Variants in TIAM2 observed in about 807,000 individuals in gnomAD.
The protein encoded by TIAM2 is rho guanine nucleotide exchange factor TIAM2.
In TIAM2, 80 loss-of-function variants were observed where a neutral mutation model predicts 152.9. The ratio of observed to expected loss-of-function variants is 0.52; its 90% CI spans 0.44 to 0.63. The LOEUF (loss-of-function observed/expected upper bound fraction) is 0.63, where lower values mean the gene tolerates loss of function less well. Among genes scored for constraint, TIAM2 ranks in the 30% least tolerant of loss-of-function variants. TIAM2 has a pLI of 0.00. For missense variants in TIAM2, 1,965 were observed against 2,120.1 expected (o/e 0.93, Z 1.44); for synonymous variants, 804 against 838.0 (o/e 0.96, Z 0.70).
At chr6:155,062,581 C>CTTTTTTT (rs151244455) in intron 1 of TIAM2, among the ~76,000 whole-genome samples, 2 of 143,266 alleles carry the variant, frequency 1.4e-5, no homozygotes, top group Non-Finnish European at 1.5e-5. Flanking sequence ...TTTTCTTTTT[C>CTTTTTTT]TTTTCTTTTT....
At chr6:155,231,499 T>G (rs1390580743) in intron 15 of TIAM2, among the ~76,000 whole-genome samples, 1 of 152,250 alleles carries the variant, frequency 6.6e-6, no homozygotes, top group African/African-American at 2.4e-5. Flanking sequence ...ATCTTGAACC[T>G]GTTTTTTAAC....
intron 9 of TIAM2, among the ~76,000 whole-genome samples, chr6:155,175,561 A>G (rs905601774): frequency 6.6e-6 from 1 of 152,236 alleles, no homozygotes; most frequent in Non-Finnish European, 1.5e-5. Flanking sequence ...TATGAATTAT[A>G]TTAATAATAT....
At chr6:155,017,404 CCTGAGAG>C (rs1379587009) in intron 1 of TIAM2, among the ~76,000 whole-genome samples, 3 of 151,776 alleles carry the variant, frequency 2.0e-5, no homozygotes, top group Non-Finnish European at 4.4e-5. Context: ...GTCTAGGGTC[CCTGAGAG>C]CTGAGAGCTT....
At chr6:155,053,130 G>A (rs1042502468) in intron 1 of TIAM2, among the ~76,000 whole-genome samples, 1 of 152,114 alleles carries the variant, frequency 6.6e-6, no homozygotes, top group Admixed American at 6.6e-5. Context: ...AGCATCCAAA[G>A]TACTGAAACA....
At chr6:155,225,322 C>T (rs1359145518) in intron 15 of TIAM2, among the ~76,000 whole-genome samples, 1 of 152,110 alleles carries the variant, frequency 6.6e-6, no homozygotes, top group African/African-American at 2.4e-5. Context: ...TCTGAGGGCC[C>T]GGGTGACACA....
At chr6:155,250,688 C>A (rs970594667) in intron 21 of TIAM2, 3 of 1,433,938 alleles carry the variant, frequency 2.1e-6, no homozygotes, top group Non-Finnish European at 2.8e-6. Context: ...TGTGCGTGCA[C>A]TGGAGCAAAA....
At chr6:155,026,551 G>A (rs1297660085) in intron 1 of TIAM2, among the ~76,000 whole-genome samples, 1 of 152,228 alleles carries the variant, frequency 6.6e-6, no homozygotes, top group Non-Finnish European at 1.5e-5. Context: ...ATATGTTTTT[G>A]TAATAAAGAG....
rs530899109 is a variant in TIAM2, at chr6:155,218,152, C to T, written c.3168+6845C>T. 2.6e-5 allele frequency among the ~76,000 whole-genome samples: 4 copies of T among 152,268 alleles called. No homozygotes were observed. The highest frequency in any genetic ancestry group is 1.9e-4 in the East Asian group (1 of 5,188). On this transcript the variant is annotated intron_variant, in intron 15 of 26. Coordinates refer to ENST00000682666, the MANE Select transcript of TIAM2 (RefSeq NM_012454.4). The surrounding 1 kb of genome is among the most constrained non-coding windows in gnomAD (Gnocchi z 4.5). ...GCTAAAAGATAACTTATTTATAAAC[C>T]GTAGTCTTTCTCCATGGTTGCTATT...
chr6:155,033,863 C>T (rs960937124), intron 1 of TIAM2, among the ~76,000 whole-genome samples: 38 of 151,748 alleles, frequency 2.5e-4, no homozygotes, highest in East Asian at 1.4e-3. Context: ...CTTACAGGTG[C>T]GTGCCACCAC....
chr6:155,182,255 C>T lies in TIAM2; in HGVS notation c.2737C>T (p.Arg913Cys), dbSNP rs1054052998. 8.1e-6 allele frequency: 13 copies of T among 1,614,132 alleles called. No homozygotes were observed. Among genetic ancestry groups the T allele is most frequent in the African/African-American group, 2.7e-5 (2 of 75,022 alleles). Reference protein sequence around the residue: ...GFAVTAQVDERQHLSRIFISD... With the variant: ...GFAVTAQVDECQHLSRIFISD... Reference sequence around the variant, plus strand: ...TGCAGTTACAGCGCAGGTGGATGAGCGTCAGCATCTCAGCCGGATATTTAT... The same window carrying T: ...TGCAGTTACAGCGCAGGTGGATGAGTGTCAGCATCTCAGCCGGATATTTAT... The change falls in exon 13 of 27, where the codon CGT becomes TGT. Residue 913 changes from arginine (R) to cysteine (C), a missense_variant. Physicochemically the swap from Arg to Cys is radical, Grantham distance 180 (BLOSUM62 -3). This residue lies in a region of TIAM2 where 935 missense variants were observed against 980.0 expected (regional missense o/e 0.95). Transcript: ENST00000682666.
chr6:155,062,023 G>A lies in TIAM2; in HGVS notation c.-208-28266G>A, dbSNP rs571373758. On this transcript the variant is annotated intron_variant, in intron 1 of 26. Coordinates refer to ENST00000682666, the MANE Select transcript of TIAM2 (RefSeq NM_012454.4). Reference sequence around the variant, plus strand: ...TCTTTTCTGGAGTGTCTCTTAAATGGAGTTATAAAGTATGTAGCCTTTTTC... The same window carrying A: ...TCTTTTCTGGAGTGTCTCTTAAATGAAGTTATAAAGTATGTAGCCTTTTTC... Among the ~76,000 whole-genome samples the A allele has an allele frequency of 5.6e-3, 857 of 152,208 alleles. 3 individuals carry two copies. The highest frequency in any genetic ancestry group is 0.027 in the Middle Eastern group (8 of 294).
chr6:155,071,915 A>G (rs1583176902), intron 1 of TIAM2, among the ~76,000 whole-genome samples: 1 of 151,596 alleles, frequency 6.6e-6, no homozygotes, highest in Non-Finnish European at 1.5e-5. Context: ...AAAAAAAAGT[A>G]ATAAAATAAA....
At chr6:155,077,134 C>T (rs1777979464) in intron 1 of TIAM2, among the ~76,000 whole-genome samples, 1 of 151,656 alleles carries the variant, frequency 6.6e-6, no homozygotes, top group Non-Finnish European at 1.5e-5. Flanking sequence ...GGAAGCTGTT[C>T]TATAAACTCC....
chr6:155,222,110 T>C (rs1215025488), intron 15 of TIAM2, among the ~76,000 whole-genome samples: 1 of 151,918 alleles, frequency 6.6e-6, no homozygotes, highest in Non-Finnish European at 1.5e-5. Flanking sequence ...CACGCCACCA[T>C]GCCCAGCTAA....
Position 155,129,561 on chromosome 6 carries a change from A to C in TIAM2, c.338A>C (p.Glu113Ala), listed in dbSNP as rs1401082620. 1 of 1,614,128 alleles carries C rather than the reference A, an allele frequency of 6.2e-7. No individual in the cohort carries two copies. The highest frequency in any genetic ancestry group is 1.3e-5 in the African/African-American group (1 of 75,016). ...GGCATCAGTGCTGCTTTCTCAACTGAGAATGGCTTCCACTCTGTTGGCCAC... is the reference window on the plus strand; with the variant it reads ...GGCATCAGTGCTGCTTTCTCAACTGCGAATGGCTTCCACTCTGTTGGCCAC... ...FQGISAAFSTENGFHSVGHEL... is the reference protein window; with the variant it reads ...FQGISAAFSTANGFHSVGHEL... The change falls in exon 4 of 27, where the codon GAG becomes GCG. Residue 113 changes from glutamate to alanine, a missense_variant. By Grantham distance (107) the Glu-to-Ala change is moderately radical (BLOSUM62 -1). Around this residue, in one of 3 missense-constraint regions of TIAM2, gnomAD observed 1,025 missense variants for 1,119.4 expected, o/e 0.92. Transcript: ENST00000682666. This position sits in a 1 kb window ranked among gnomAD's most constrained non-coding sequence, Gnocchi z 4.8.
chr6:155,175,684 T>G (rs1461515000), intron 9 of TIAM2, among the ~76,000 whole-genome samples: 3 of 152,230 alleles, frequency 2.0e-5, no homozygotes, highest in African/African-American at 4.8e-5. Flanking sequence ...AATCTTTTCT[T>G]TACTGCTATG....
Position 155,046,331 on chromosome 6 carries a change from C to CTTTTTT in TIAM2, c.-208-43940_-208-43935dup, listed in dbSNP as rs1164422319. 4.0e-4 allele frequency among the ~76,000 whole-genome samples: 32 copies of CTTTTTT among 80,806 alleles called. 2 individuals are homozygous for CTTTTTT. The highest frequency in any genetic ancestry group is 8.2e-4 in the Admixed American group (5 of 6,082). 53.0% of individuals were successfully genotyped at this position (80,806 alleles called of 152,430 possible). A position where few individuals can be genotyped will look rare whatever the true frequency, so the allele number is the denominator to read the frequency against. On this transcript the variant is annotated intron_variant, in intron 1 of 26. Transcript: ENST00000682666. ...AGAGGAAGGGCACTCTTGGCTCTGT[C>CTTTTTT]TTTTTTTTTTTTTTTTTTTTTTTGA...
At chr6:155,003,134 A>G (rs1778341376) in intron 1 of TIAM2, among the ~76,000 whole-genome samples, 1 of 151,714 alleles carries the variant, frequency 6.6e-6, no homozygotes, top group South Asian at 2.1e-4. Context: ...AGATTGAGAG[A>G]CCCTTTGCCA....
chr6:155,175,056 A>T (rs1780728281), intron 9 of TIAM2, among the ~76,000 whole-genome samples: 1 of 152,204 alleles, frequency 6.6e-6, no homozygotes, highest in Non-Finnish European at 1.5e-5. Context: ...GTGCCTGTGT[A>T]AGACAAGAGC....
Sources: gnomAD v4.1 joint callset for allele counts (sites outside exome capture counted in the v4.1 genomes callset) on GRCh38, gnomAD v4.1.1 for gene constraint, gnomAD v4.1.1 regional missense constraint, Gnocchi (gnomAD v3.1) non-coding constraint, MANE v1.5 for transcripts, NCBI Gene and HGNC (gene_info 2026-07-23, HGNC 2026-07-21) for gene names.